PDE6D: variants seen among roughly 807,000 people sequenced by gnomAD.
The protein encoded by PDE6D is retinal rod rhodopsin-sensitive cGMP 3',5'-cyclic phosphodiesterase subunit delta.
In PDE6D, 10 loss-of-function variants were observed where a neutral mutation model predicts 21.9. The ratio of observed to expected loss-of-function variants is 0.46; its 90% CI spans 0.28 to 0.78. The LOEUF is 0.78. Ranked by LOEUF, PDE6D falls within the 30% of genes least tolerant of loss-of-function variation. The pLI, the probability that PDE6D is intolerant of heterozygous loss-of-function variation, is 0.12. For synonymous variants in PDE6D, 59 were observed against 63.5 expected (o/e 0.93, Z 0.34); for missense variants, 139 against 184.8 (o/e 0.75, Z 1.44).
At chr2:231,737,873 C>T in intron 3 of PDE6D, 140 bp downstream of exon 3, 1 of 809,628 alleles carries the variant, frequency 1.2e-6, no homozygotes, top group Non-Finnish European at 1.9e-6. Flanking sequence ...GATTCACAGT[C>T]TTGCAGAGTG....
intron 1 of PDE6D, among the ~76,000 whole-genome samples, chr2:231,759,042 G>T (rs1318092202): frequency 6.6e-6 from 1 of 152,156 alleles, no homozygotes; most frequent in Non-Finnish European, 1.5e-5. Flanking sequence ...TCTAGGCCAG[G>T]CATGGTGGCT....
At chr2:231,753,557 AAT>A (rs1211453573) in intron 1 of PDE6D, among the ~76,000 whole-genome samples, 1 of 151,722 alleles carries the variant, frequency 6.6e-6, no homozygotes, top group East Asian at 1.9e-4. Flanking sequence ...TCTCAAAAAA[AAT>A]AAAATAAATA....
At chr2:231,777,366 C>T (rs1211704734) in intron 1 of PDE6D, among the ~76,000 whole-genome samples, 1 of 151,884 alleles carries the variant, frequency 6.6e-6, no homozygotes, top group Non-Finnish European at 1.5e-5. Flanking sequence ...TTGGGGGTCT[C>T]GCTATGTTGG....
At position 231,756,725 on chromosome 2, in the gene PDE6D, CCA is replaced by C. The variant is rs74411292; in HGVS notation, c.51-17539_51-17538del. ...AAAGTGTTGAGATTATAGGCATGAG[CCA>C]CCACACCTGGCCCTAAACCAAAGAT... On this transcript the variant is annotated intron_variant, in intron 1 of 4. Coordinates refer to ENST00000287600, the MANE Select transcript of PDE6D (RefSeq NM_002601.4). Among the ~76,000 whole-genome samples, 48 of 151,368 alleles carry C rather than the reference CCA, an allele frequency of 3.2e-4. No individual in the cohort carries two copies. In the East Asian group the frequency reaches 7.4e-3, roughly 23 times the overall value.
chr2:231,775,397 C>G (rs989771490), intron 1 of PDE6D, among the ~76,000 whole-genome samples: 13 of 151,950 alleles, frequency 8.6e-5, no homozygotes, highest in Admixed American at 8.5e-4. Flanking sequence ...GCGACCTCCA[C>G]CTCCCAGGCT....
At chr2:231,742,655 T>C (rs186502783) in intron 1 of PDE6D, among the ~76,000 whole-genome samples, 1 of 152,196 alleles carries the variant, frequency 6.6e-6, no homozygotes, top group Non-Finnish European at 1.5e-5. Flanking sequence ...ATAGTTTACA[T>C]GTGTCTTTTT....
At chr2:231,761,234 G>A (rs145904500) in intron 1 of PDE6D, among the ~76,000 whole-genome samples, 1 of 152,180 alleles carries the variant, frequency 6.6e-6, no homozygotes, top group African/African-American at 2.4e-5. Flanking sequence ...GACTGCAGTG[G>A]CGCAATCTCG....
intron 3 of PDE6D, 44 bp from the exon 4 acceptor site, chr2:231,737,336 T>A (rs759466852): frequency 1.2e-5 from 13 of 1,074,498 alleles, no homozygotes; most frequent in East Asian, 9.5e-5. Context: ...TGCCCCAGTA[T>A]AAAGTTTAAG....
chr2:231,764,601 T>C (rs921955952), intron 1 of PDE6D, among the ~76,000 whole-genome samples: 1 of 152,112 alleles, frequency 6.6e-6, no homozygotes, highest in Admixed American at 6.5e-5. Context: ...GTGTAACAAA[T>C]TGCTATATGC....
chr2:231,779,552 A>G (rs371054019), intron 1 of PDE6D: 22 of 152,384 alleles, frequency 1.4e-4, no homozygotes, highest in African/African-American at 4.3e-4. Flanking sequence ...TGTTAATAGT[A>G]TAAATTATTT....
chr2:231,775,359 A>G (rs1007536083), intron 1 of PDE6D, among the ~76,000 whole-genome samples: 8 of 151,976 alleles, frequency 5.3e-5, no homozygotes, highest in Admixed American at 3.3e-4. Flanking sequence ...CCTGGTTGGA[A>G]TGCAGTGGGG....
chr2:231,777,370 A>G (rs2049065525), intron 1 of PDE6D, among the ~76,000 whole-genome samples: 1 of 151,672 alleles, frequency 6.6e-6, no homozygotes, highest in Non-Finnish European at 1.5e-5. Flanking sequence ...GGGTCTCGCT[A>G]TGTTGGCCAG....
intron 1 of PDE6D, among the ~76,000 whole-genome samples, chr2:231,744,754 G>A (rs1241811334): frequency 6.6e-6 from 1 of 151,926 alleles, no homozygotes; most frequent in Non-Finnish European, 1.5e-5. Context: ...ATCTTTTTGG[G>A]AATCACATAA....
At position 231,781,229 on chromosome 2, in the gene PDE6D, C is replaced by T. The variant is rs1271876276; in HGVS notation, c.-115G>A. The T allele has an allele frequency of 1.1e-5, 11 of 974,660 alleles. No homozygotes were observed. The highest frequency in any genetic ancestry group is 1.8e-5 in the Non-Finnish European group (11 of 625,382). The allele number at this position is 974,660 out of a possible 1,614,324, so 60.4% of individuals were successfully genotyped here. ...GGCTTGGAGACCTCGGGCTAGCAGC[C>T]GCAGCGGCCAGACCAGGACCGGCCT... On this transcript the variant is annotated 5_prime_UTR_variant, in exon 1 of 5. Coordinates refer to ENST00000287600, the MANE Select transcript of PDE6D (RefSeq NM_002601.4).
chr2:231,744,855 C>T (rs1476528644), intron 1 of PDE6D, among the ~76,000 whole-genome samples: 2 of 152,072 alleles, frequency 1.3e-5, no homozygotes, highest in African/African-American at 4.8e-5. Flanking sequence ...AATTATCTAC[C>T]AGTATCTATA....
intron 1 of PDE6D, among the ~76,000 whole-genome samples, chr2:231,752,989 G>A (rs1319178959): frequency 7.3e-5 from 11 of 150,442 alleles, no homozygotes; most frequent in African/African-American, 2.2e-4. Context: ...CCGCCACCAC[G>A]CCCGGCTAAT....
At chr2:231,774,298 G>A (rs909930262) in intron 1 of PDE6D, among the ~76,000 whole-genome samples, 1 of 152,148 alleles carries the variant, frequency 6.6e-6, no homozygotes, top group African/African-American at 2.4e-5. Context: ...GCCAGGCCCT[G>A]AACCAAACAT....
At position 231,742,130 on chromosome 2, in the gene PDE6D, GT is replaced by G. The variant is rs1014769908; in HGVS notation, c.51-2943del. On this transcript the variant is annotated intron_variant, in intron 1 of 4. Transcript: ENST00000287600. ...AGAAACTAGATAGACTGTGTTTTTT[GT>G]TTTTTTTTTGAGATGGTTTCGCTCT... Among the ~76,000 whole-genome samples the G allele has an allele frequency of 5.4e-3, 796 of 147,878 alleles. 7 individuals carry two copies. Among genetic ancestry groups the G allele is most frequent in the African/African-American group, 0.019 (754 of 40,446 alleles).
intron 1 of PDE6D, among the ~76,000 whole-genome samples, chr2:231,773,719 C>A (rs1029963744): frequency 6.6e-6 from 1 of 152,048 alleles, no homozygotes; most frequent in African/African-American, 2.4e-5. Flanking sequence ...CTTCTGAGCC[C>A]AAACTCTTTT....
Sources: gnomAD v4.1 joint callset for allele counts (sites outside exome capture counted in the v4.1 genomes callset) on GRCh38, gnomAD v4.1.1 for gene constraint, MANE v1.5 for transcripts, NCBI Gene and HGNC (gene_info 2026-07-23, HGNC 2026-07-21) for gene names.